Variants in DLG2 observed in about 807,000 individuals in gnomAD.
DLG2 encodes disks large homolog 2.
In DLG2, 45 loss-of-function variants were observed where a neutral mutation model predicts 132.5. The observed-to-expected ratio is 0.34, with a 90% CI of 0.27 to 0.44. DLG2 has a LOEUF of 0.44. DLG2 is among the 20% of genes least tolerant of loss of function. The probability of loss-of-function intolerance (pLI) is 1.00; values close to 1 mark genes in which losing one functional copy is unlikely to be tolerated. For missense variants in DLG2, 1,045 were observed against 1,196.9 expected (o/e 0.87, Z 1.87); for synonymous variants, 424 against 419.6 (o/e 1.01, Z -0.13).
At chr11:84,598,630 A>G (rs2099568948) in intron 6 of DLG2, among the ~76,000 whole-genome samples, 2 of 152,168 alleles carry the variant, frequency 1.3e-5, no homozygotes, top group Non-Finnish European at 2.9e-5. Context: ...TATGTTTGTT[A>G]AAATCATATA....
At chr11:85,432,857 A>T (rs1353381968) in intron 3 of DLG2, among the ~76,000 whole-genome samples, 2 of 152,126 alleles carry the variant, frequency 1.3e-5, no homozygotes, top group Non-Finnish European at 2.9e-5. Context: ...ACCCCAAGAC[A>T]CATAATCTTC....
intron 4 of DLG2, among the ~76,000 whole-genome samples, chr11:85,271,956 T>C (rs2077560414): frequency 1.3e-5 from 2 of 152,142 alleles, no homozygotes; most frequent in South Asian, 4.1e-4. Context: ...TGGGAAGGCA[T>C]GATTAGTTTT....
intron 16 of DLG2, among the ~76,000 whole-genome samples, chr11:83,874,030 C>T (rs1319536309): frequency 6.6e-6 from 1 of 151,824 alleles, no homozygotes; most frequent in Non-Finnish European, 1.5e-5. Flanking sequence ...AATCTAGTAC[C>T]TAGCACAGTG....
At chr11:84,317,352 C>A (rs2098371412) in intron 7 of DLG2, 4 of 1,401,778 alleles carry the variant, frequency 2.9e-6, no homozygotes, top group African/African-American at 1.4e-5. Context: ...GCTGGTAGCT[C>A]TTTGTCAATA....
intron 3 of DLG2, among the ~76,000 whole-genome samples, chr11:85,575,753 C>T (rs1415446864): frequency 6.6e-6 from 1 of 150,470 alleles, no homozygotes; most frequent in African/African-American, 2.4e-5. Context: ...CTATTTAAAA[C>T]AGCAACTCTT....
intron 7 of DLG2, among the ~76,000 whole-genome samples, chr11:84,421,751 C>G (rs1383842034): frequency 6.6e-6 from 1 of 152,220 alleles, no homozygotes; most frequent in East Asian, 1.9e-4. Flanking sequence ...TCTTCCCATT[C>G]CCTTGTGTAC....
At chr11:84,195,327 G>C (rs12801247) in intron 8 of DLG2, among the ~76,000 whole-genome samples, 7,169 of 152,156 alleles carry the variant, frequency 0.047, 210 homozygotes, top group Non-Finnish European at 0.06. Context: ...CCACGTCCAG[G>C]TAATTTTTTT....
chr11:83,916,820 T>C (rs184838177), intron 15 of DLG2, among the ~76,000 whole-genome samples: 70 of 152,178 alleles, frequency 4.6e-4, no homozygotes, highest in Middle Eastern at 3.4e-3. Flanking sequence ...TTATGGTAGA[T>C]TGTGTTTAGC....
chr11:84,881,786 T>C (rs2154054814), intron 6 of DLG2, among the ~76,000 whole-genome samples: 1 of 152,140 alleles, frequency 6.6e-6, no homozygotes, highest in South Asian at 2.1e-4. Flanking sequence ...GATGGTAAAG[T>C]AATAAAGTAA....
At chr11:85,349,762 T>C (rs1385027585) in intron 3 of DLG2, among the ~76,000 whole-genome samples, 4 of 152,162 alleles carry the variant, frequency 2.6e-5, no homozygotes, top group South Asian at 2.1e-4. Context: ...TATGGCTGCA[T>C]AGTATTCCAT....
intron 7 of DLG2, among the ~76,000 whole-genome samples, chr11:84,385,736 G>T (rs1420205566): frequency 6.6e-6 from 1 of 152,064 alleles, no homozygotes; most frequent in Non-Finnish European, 1.5e-5. Context: ...AAACTGAAAA[G>T]ATTGTATATA....
At chr11:85,465,810 G>A (rs554444713) in intron 3 of DLG2, among the ~76,000 whole-genome samples, 6 of 151,518 alleles carry the variant, frequency 4.0e-5, no homozygotes, top group Non-Finnish European at 7.4e-5. Flanking sequence ...TAATCCTTTG[G>A]GTATATACCG....
chr11:83,773,482 CT>C (rs1364283579), intron 18 of DLG2, among the ~76,000 whole-genome samples: 10 of 152,174 alleles, frequency 6.6e-5, no homozygotes, highest in African/African-American at 2.4e-4. Context: ...TTTGCTTAAT[CT>C]TTTGCTTTCA....
At chr11:84,247,597 A>G (rs1416559702) in intron 8 of DLG2, among the ~76,000 whole-genome samples, 2 of 152,196 alleles carry the variant, frequency 1.3e-5, no homozygotes, top group Admixed American at 6.5e-5. Context: ...ATGACCTCAT[A>G]TAAGACAGAG....
At chr11:85,141,089 T>C (rs921752303) in intron 5 of DLG2, among the ~76,000 whole-genome samples, 4 of 151,916 alleles carry the variant, frequency 2.6e-5, no homozygotes, top group African/African-American at 9.7e-5. Flanking sequence ...TACCTAGCAA[T>C]GGGATTGCTC....
In DLG2 at chr11:83,855,222, T is replaced by C. The variant is rs188262983; in HGVS notation, c.1565+19198A>G. On this transcript the variant is annotated intron_variant, in intron 16 of 27. Transcript: ENST00000376104. ...TGCACTTATTCATTGCTGGTGGGAA[T>C]GCAAATGGTATAGTCACTTTGGAAG... 2.0e-3 allele frequency among the ~76,000 whole-genome samples: 306 copies of C among 152,340 alleles called. 5 individuals are homozygous for C. The highest frequency in any genetic ancestry group is 1.0e-4 in the Non-Finnish European group (7 of 68,030).
chr11:83,766,297 G>A (rs566256185), intron 18 of DLG2, among the ~76,000 whole-genome samples: 1 of 151,452 alleles, frequency 6.6e-6, no homozygotes, highest in African/African-American at 2.4e-5. Flanking sequence ...GTTTCACCAT[G>A]TTAGCCAGGA....
At chr11:84,363,319 T>C (rs1475594998) in intron 7 of DLG2, among the ~76,000 whole-genome samples, 6 of 151,448 alleles carry the variant, frequency 4.0e-5, no homozygotes, top group Non-Finnish European at 8.9e-5. Context: ...TTTTGAGAAG[T>C]GTCTGTTCAT....
At chr11:85,354,363 T>C (rs2152887428) in intron 3 of DLG2, among the ~76,000 whole-genome samples, 1 of 152,246 alleles carries the variant, frequency 6.6e-6, no homozygotes, top group South Asian at 2.1e-4. Flanking sequence ...TTTATATATA[T>C]AATCACTCAA....
Sources: gnomAD v4.1 joint callset for allele counts (sites outside exome capture counted in the v4.1 genomes callset) on GRCh38, gnomAD v4.1.1 for gene constraint, MANE v1.5 for transcripts, NCBI Gene and HGNC (gene_info 2026-07-23, HGNC 2026-07-21) for gene names.